CUL1: variants seen among roughly 807,000 people sequenced by gnomAD.
The protein encoded by CUL1 is cullin-1.
A neutral mutation model predicts 118.0 loss-of-function variants in CUL1; 24 were observed. That is an observed-to-expected ratio of 0.20 (90% CI 0.15 to 0.29). The LOEUF (loss-of-function observed/expected upper bound fraction) is 0.29. CUL1 is among the 10% of genes least tolerant of loss of function. The probability of loss-of-function intolerance (pLI) is 1.00; values close to 1 mark genes in which losing one functional copy is unlikely to be tolerated. For missense variants in CUL1, 361 were observed against 933.8 expected (o/e 0.39, Z 7.99); for synonymous variants, 332 against 340.4 (o/e 0.98, Z 0.27).
In CUL1 at chr7:148,710,921, G is replaced by A. The variant is rs1384971133; in HGVS notation, c.-162+11892G>A. Among the ~76,000 whole-genome samples, 6 of 152,158 alleles carry A rather than the reference G, an allele frequency of 3.9e-5. No individual in the cohort carries two copies. The East Asian group carries it at 1.2e-3, about 30-fold the overall frequency. ...GACCTCAGGTGATCTGCCCGCCTCG[G>A]CCTCCCAAAGTACTGAGATTACAGG... On this transcript the variant is annotated intron_variant, in intron 1 of 21. Transcript: ENST00000325222.
chr7:148,761,345 T>C (rs2129460559), intron 7 of CUL1, among the ~76,000 whole-genome samples: 1 of 152,224 alleles, frequency 6.6e-6, no homozygotes. Context: ...CCGTTTCTAC[T>C]AAAAATACAA....
At chr7:148,798,543 G>A (rs766228165) in intron 19 of CUL1, 29 bp from the exon 20 acceptor site, 2 of 1,531,144 alleles carry the variant, frequency 1.3e-6, no homozygotes, top group Non-Finnish European at 9.1e-7. Context: ...TAATATAATA[G>A]TGATCGGTTT....
chr7:148,782,570 G>A (rs1800677428), intron 9 of CUL1, among the ~76,000 whole-genome samples: 2 of 152,084 alleles, frequency 1.3e-5, no homozygotes, highest in East Asian at 3.8e-4. Context: ...TATGTCAGGT[G>A]GAGACCATAT....
rs192677359 is a variant in CUL1, at chr7:148,797,207, G to A, written c.1900-605G>A. Among the ~76,000 whole-genome samples, 21 of 152,172 alleles carry A rather than the reference G, an allele frequency of 1.4e-4. No homozygotes were observed. In the East Asian group the frequency reaches 3.9e-3, roughly 28 times the overall value. ...CAGGACATTATTTTCAGTCTTGCTG[G>A]GCAGCTCTTTAATATTTCTTTTGTG... On this transcript the variant is annotated intron_variant, in intron 17 of 21. Transcript: ENST00000325222.
intron 1 of CUL1, among the ~76,000 whole-genome samples, chr7:148,718,370 C>T (rs1404422241): frequency 3.3e-5 from 5 of 152,124 alleles, no homozygotes; most frequent in East Asian, 1.9e-4. Flanking sequence ...GTCTCTTTGC[C>T]GTCACTCCCC....
chr7:148,756,109 A>C (rs1799648707), intron 3 of CUL1, among the ~76,000 whole-genome samples: 1 of 152,238 alleles, frequency 6.6e-6, no homozygotes, highest in Non-Finnish European at 1.5e-5. Context: ...CCTTCAAATA[A>C]AAATTTGTGA....
At position 148,797,182 on chromosome 7, in the gene CUL1, C is replaced by A. The variant is rs80087781; in HGVS notation, c.1900-630C>A. 4.6e-3 allele frequency among the ~76,000 whole-genome samples: 706 copies of A among 152,236 alleles called. 9 individuals are homozygous for A. Among genetic ancestry groups the A allele is most frequent in the African/African-American group, 0.016 (659 of 41,526 alleles). ...CGCTGAGCCCCACTGTTCTCATGAG[C>A]AGGACATTATTTTCAGTCTTGCTGG... On this transcript the variant is annotated intron_variant, in intron 17 of 21. Coordinates refer to ENST00000325222, the MANE Select transcript of CUL1 (RefSeq NM_003592.3).
intron 9 of CUL1, among the ~76,000 whole-genome samples, chr7:148,770,723 G>A (rs1800181784): frequency 2.0e-5 from 3 of 152,190 alleles, no homozygotes; most frequent in Admixed American, 2.0e-4. Context: ...GAGCGTGGGT[G>A]CCCGGGCCAT....
intron 1 of CUL1, among the ~76,000 whole-genome samples, chr7:148,700,057 C>G (rs1425454865): frequency 1.3e-5 from 2 of 152,222 alleles, no homozygotes; most frequent in African/African-American, 4.8e-5. Flanking sequence ...CCCTGGCTGG[C>G]TTTGCCAAAA....
intron 9 of CUL1, among the ~76,000 whole-genome samples, chr7:148,780,180 G>C (rs983214217): frequency 3.3e-5 from 5 of 152,176 alleles, no homozygotes; most frequent in Non-Finnish European, 5.9e-5. Flanking sequence ...AAGTATACCA[G>C]TTAGGTTAGT....
intron 2 of CUL1, among the ~76,000 whole-genome samples, chr7:148,740,983 A>C (rs1299302356): frequency 6.6e-6 from 1 of 152,202 alleles, no homozygotes; most frequent in Non-Finnish European, 1.5e-5. Flanking sequence ...GTATTTTGTT[A>C]TGGCAGCCTA....
At chr7:148,772,700 C>T (rs1187072338) in intron 9 of CUL1, among the ~76,000 whole-genome samples, 1 of 152,214 alleles carries the variant, frequency 6.6e-6, no homozygotes, top group East Asian at 1.9e-4. Context: ...GCCTACATTG[C>T]AGGTTCATTT....
intron 1 of CUL1, among the ~76,000 whole-genome samples, chr7:148,702,664 G>A (rs916891333): frequency 6.6e-6 from 1 of 152,100 alleles, no homozygotes; most frequent in Non-Finnish European, 1.5e-5. Flanking sequence ...TTCCATTCTG[G>A]ATCTGACTCT....
rs746777462 is a variant in CUL1 at position 148,776,307 on chromosome 7, C to CTTTTTTTTTTTTTTTTTTTTTTTTTTTTT, written c.1084-7449_1084-7448insTTTTTTTTTTTTTTTTTTTTTTTTTTTTT. On this transcript the variant is annotated intron_variant, in intron 9 of 21. Coordinates refer to ENST00000325222, the MANE Select transcript of CUL1 (RefSeq NM_003592.3). Reference sequence around the variant, plus strand: ...CATTTTGGAGTCTAACATAACCAGGCTTTTTTTTTTTTTTTTTTTTTTTTT... The same window carrying CTTTTTTTTTTTTTTTTTTTTTTTTTTTTT: ...CATTTTGGAGTCTAACATAACCAGGCTTTTTTTTTTTTTTTTTTTTTTTTTTTTTTTTTTTTTTTTTTTTTTTTTTTTTT... Among the ~76,000 whole-genome samples the CTTTTTTTTTTTTTTTTTTTTTTTTTTTTT allele has an allele frequency of 2.0e-4, 8 of 40,692 alleles. 3 individuals are homozygous for CTTTTTTTTTTTTTTTTTTTTTTTTTTTTT. The highest frequency in any genetic ancestry group is 3.3e-4 in the Non-Finnish European group (8 of 24,320). 26.7% of individuals were successfully genotyped at this position (40,692 alleles called of 152,430 possible).
intron 9 of CUL1, among the ~76,000 whole-genome samples, chr7:148,770,098 A>G (rs1055284311): frequency 2.6e-5 from 4 of 152,246 alleles, no homozygotes; most frequent in African/African-American, 7.2e-5. Flanking sequence ...TGAGTCTTGA[A>G]TCTGACATTT....
intron 4 of CUL1, among the ~76,000 whole-genome samples, chr7:148,758,995 G>A (rs1368686298): frequency 6.6e-6 from 1 of 152,144 alleles, no homozygotes; most frequent in Non-Finnish European, 1.5e-5. Flanking sequence ...ACCTAAATGT[G>A]TACCTTACAG....
chr7:148,799,948 T>G (rs1345827674), intron 21 of CUL1, among the ~76,000 whole-genome samples: 1 of 152,106 alleles, frequency 6.6e-6, no homozygotes, highest in Non-Finnish European at 1.5e-5. Flanking sequence ...TCTGATTGGG[T>G]TTGTTTAAAA....
intron 9 of CUL1, among the ~76,000 whole-genome samples, chr7:148,776,404 C>T (rs1050753696): frequency 7.0e-6 from 1 of 142,996 alleles, no homozygotes; most frequent in Non-Finnish European, 1.5e-5. Flanking sequence ...GCAACCTCCA[C>T]CTCCCAGGTT....
intron 9 of CUL1, among the ~76,000 whole-genome samples, chr7:148,769,397 T>TCTCA (rs1491139381): frequency 7.7e-5 from 10 of 129,042 alleles, no homozygotes; most frequent in Admixed American, 3.1e-4. Flanking sequence ...AGGGCCTGAT[T>TCTCA]CACACACACA....
Sources: gnomAD v4.1 joint callset for allele counts (sites outside exome capture counted in the v4.1 genomes callset) on GRCh38, gnomAD v4.1.1 for gene constraint, MANE v1.5 for transcripts, NCBI Gene and HGNC (gene_info 2026-07-23, HGNC 2026-07-21) for gene names.